Variants in MEIS2 observed in about 807,000 individuals in gnomAD.
The protein encoded by MEIS2 is Meis homeobox 2, also known as homeobox protein Meis2.
In MEIS2, 9 loss-of-function variants were observed where a neutral mutation model predicts 58.6. The observed-to-expected ratio is 0.15, with a 90% confidence interval of 0.09 to 0.27. The LOEUF (loss-of-function observed/expected upper bound fraction) is 0.27. Among genes scored for constraint, MEIS2 ranks in the 10% least tolerant of loss-of-function variants. The pLI, the probability that MEIS2 is intolerant of heterozygous loss-of-function variation, is 1.00. For missense variants in MEIS2, 427 were observed against 635.0 expected (o/e 0.67, Z 3.52); for synonymous variants, 221 against 228.4 (o/e 0.97, Z 0.29).
At chr15:37,031,568 A>G (rs1004330885) in intron 8 of MEIS2, among the ~76,000 whole-genome samples, 1 of 151,988 alleles carries the variant, frequency 6.6e-6, no homozygotes, top group Non-Finnish European at 1.5e-5. Context: ...ACTTGGGTGC[A>G]CTGTCTCTGT....
At chr15:36,956,517 GCATTAAAGATGGAACC>G (rs1595805768) in intron 8 of MEIS2, among the ~76,000 whole-genome samples, 1 of 152,150 alleles carries the variant, frequency 6.6e-6, no homozygotes, top group East Asian at 1.9e-4. Flanking sequence ...CATGCTGTTT[GCATTAAAGATGGAACC>G]CAAGTTAGGT....
intron 7 of MEIS2, among the ~76,000 whole-genome samples, chr15:37,079,123 A>G (rs1368519544): frequency 2.0e-5 from 3 of 152,072 alleles, no homozygotes; most frequent in African/African-American, 7.2e-5. Flanking sequence ...TTTAAATTTT[A>G]TTTGGGGGGA....
chr15:36,941,981 T>C (rs945540429), intron 9 of MEIS2, among the ~76,000 whole-genome samples: 1 of 152,154 alleles, frequency 6.6e-6, no homozygotes, highest in Non-Finnish European at 1.5e-5. Context: ...GAGGTCGACA[T>C]TAAACAGCCT....
chr15:37,044,130 T>A (rs2141771312), intron 7 of MEIS2, among the ~76,000 whole-genome samples: 1 of 152,302 alleles, frequency 6.6e-6, no homozygotes, highest in African/African-American at 2.4e-5. Flanking sequence ...ATAAGAAAAC[T>A]GAGACTCAAA....
intron 7 of MEIS2, among the ~76,000 whole-genome samples, chr15:37,054,002 A>G (rs1158633224): frequency 2.0e-5 from 3 of 152,184 alleles, no homozygotes; most frequent in Admixed American, 2.0e-4. Flanking sequence ...TAACAGATAA[A>G]GCGAGTGAGG....
chr15:37,015,950 G>C (rs1467449652), intron 8 of MEIS2, among the ~76,000 whole-genome samples: 1 of 151,988 alleles, frequency 6.6e-6, no homozygotes, highest in Non-Finnish European at 1.5e-5. Flanking sequence ...TTTATGAAGT[G>C]GAAGAAATCA....
intron 9 of MEIS2, among the ~76,000 whole-genome samples, chr15:36,931,094 G>A (rs1008980531): frequency 2.0e-5 from 3 of 152,050 alleles, no homozygotes; most frequent in Admixed American, 1.3e-4. Flanking sequence ...CCTTTCACTA[G>A]TTTTGATAGA....
chr15:37,012,410 C>T (rs1165448107), intron 8 of MEIS2, among the ~76,000 whole-genome samples: 1 of 152,204 alleles, frequency 6.6e-6, no homozygotes, highest in Non-Finnish European at 1.5e-5. Flanking sequence ...AGAAAGCATG[C>T]TTCCGTTTTT....
chr15:36,908,572 G>A (rs1174968534), intron 9 of MEIS2, among the ~76,000 whole-genome samples: 1 of 152,056 alleles, frequency 6.6e-6, no homozygotes, highest in Non-Finnish European at 1.5e-5. Flanking sequence ...ATTTCCTAAG[G>A]TGGTTTAACT....
chr15:36,973,149 C>G (rs2059625360), intron 8 of MEIS2, among the ~76,000 whole-genome samples: 1 of 152,102 alleles, frequency 6.6e-6, no homozygotes, highest in South Asian at 2.1e-4. Context: ...ACCTGCTTTA[C>G]AGGTATTTGG....
chr15:36,984,265 T>C (rs1468917015), intron 8 of MEIS2, among the ~76,000 whole-genome samples: 1 of 152,136 alleles, frequency 6.6e-6, no homozygotes, highest in Non-Finnish European at 1.5e-5. Context: ...TTGAGTATTA[T>C]GTTAGCTATA....
intron 9 of MEIS2, chr15:36,896,895 C>T: frequency 1.9e-6 from 1 of 520,314 alleles, no homozygotes; most frequent in Non-Finnish European, 3.4e-6. Context: ...AAACAACTTG[C>T]TAGAAGAGCT....
chr15:37,095,695 G>A, intron 3 of MEIS2, 81 bp from the exon 4 acceptor site: 1 of 1,600,454 alleles, frequency 6.2e-7, no homozygotes, highest in Non-Finnish European at 8.6e-7. Context: ...GTACGGTGGA[G>A]GGCAATGGCG....
In MEIS2 at chr15:36,892,304, G is replaced by A. The variant is rs2055906638; in HGVS notation, c.1303C>T (p.His435Tyr). 1.2e-6 allele frequency: 2 copies of A among 1,613,942 alleles called. No individual in the cohort carries two copies. The highest frequency in any genetic ancestry group is 8.5e-7 in the Non-Finnish European group (1 of 1,179,960). ...MHSYLPSHPHHPAMMMHGGPP... is the reference protein window; with the variant it reads ...MHSYLPSHPHYPAMMMHGGPP... Reference sequence around the variant, plus strand: ...CCTCCGTGCATCATCATGGCTGGGTGGTGGGGATGGCTTGGCAAATATGAA... The same window carrying A: ...CCTCCGTGCATCATCATGGCTGGGTAGTGGGGATGGCTTGGCAAATATGAA... The change falls in exon 12 of 12, where the codon CAC becomes TAC. Residue 435 changes from histidine (H) to tyrosine (Y), a missense_variant. By Grantham distance (83) the His-to-Tyr change is moderately conservative. Around this residue, in one of 6 missense-constraint regions of MEIS2, gnomAD observed 154 missense variants for 148.1 expected, o/e 1.04. Transcript: ENST00000561208.
At chr15:36,983,908 T>C (rs1595867727) in intron 8 of MEIS2, among the ~76,000 whole-genome samples, 1 of 152,080 alleles carries the variant, frequency 6.6e-6, no homozygotes, top group African/African-American at 2.4e-5. Context: ...TTAGATGCTA[T>C]GGGATTGTTT....
Position 36,896,447 on chromosome 15 carries a change from A to G in MEIS2, c.1036+181T>C, listed in dbSNP as rs974397310. Among the ~76,000 whole-genome samples, 6 of 152,240 alleles carry G rather than the reference A, an allele frequency of 3.9e-5. No individual in the cohort carries two copies. The East Asian group carries it at 9.7e-4, about 25-fold the overall frequency. ...AGTGTCAGTAGAGTCAGGGTGGGAAATCTCCAATTAGCACCACTTACTGAA... is the reference window on the plus strand; with the variant it reads ...AGTGTCAGTAGAGTCAGGGTGGGAAGTCTCCAATTAGCACCACTTACTGAA... On this transcript the variant is annotated intron_variant, in intron 10 of 11. Transcript: ENST00000561208.
chr15:37,054,588 T>A (rs1236141461), intron 7 of MEIS2, among the ~76,000 whole-genome samples: 1 of 152,174 alleles, frequency 6.6e-6, no homozygotes, highest in African/African-American at 2.4e-5. Context: ...AGCTGATTTT[T>A]AAAATGTTTC....
chr15:36,935,179 CTTT>C (rs2058117504), intron 9 of MEIS2, among the ~76,000 whole-genome samples: 2 of 118,120 alleles, frequency 1.7e-5, no homozygotes, highest in Non-Finnish European at 3.8e-5. Flanking sequence ...TTGAGAAATT[CTTT>C]TTTCTTTTTT....
chr15:36,919,967 A>T (rs186176290), intron 9 of MEIS2, among the ~76,000 whole-genome samples: 1 of 152,108 alleles, frequency 6.6e-6, no homozygotes, highest in Non-Finnish European at 1.5e-5. Flanking sequence ...AGAACAACAT[A>T]CCCTTCTAGT....
Sources: allele counts gnomAD v4.1 joint callset (sites outside exome capture counted in the v4.1 genomes callset), GRCh38; gene constraint gnomAD v4.1.1; regional missense constraint gnomAD v4.1.1; transcripts MANE v1.5; gene names NCBI Gene and HGNC (gene_info 2026-07-23, HGNC 2026-07-21).